The following RSRC1 variants were observed in gnomAD, a reference collection of about 807,000 sequenced individuals.
The protein encoded by RSRC1 is arginine and serine rich coiled-coil 1, also known as serine/Arginine-related protein 53.
Under a neutral mutation model 49.1 loss-of-function variants are expected in RSRC1, and 39 were observed. The observed-to-expected ratio is 0.79, with a 90% CI of 0.61 to 1.04. RSRC1 has a LOEUF of 1.04. Ranked by LOEUF, RSRC1 falls within the 50% of genes least tolerant of loss-of-function variation. The probability of loss-of-function intolerance (pLI) is 0.00; values close to 1 mark genes in which losing one functional copy is unlikely to be tolerated. For missense variants in RSRC1, 388 were observed against 402.4 expected, an observed-to-expected ratio of 0.96 and a Z score of 0.31; for synonymous variants, 143 against 130.8, an observed-to-expected ratio of 1.09 and a Z score of -0.63.
intron 7 of RSRC1, among the ~76,000 whole-genome samples, chr3:158,514,402 T>C (rs1419941970): frequency 6.6e-6 from 1 of 152,254 alleles, no homozygotes; most frequent in Non-Finnish European, 1.5e-5. Context: ...AGCAGTTTGT[T>C]CAGTTTCCAT....
At chr3:158,281,441 T>C (rs1163838344) in intron 4 of RSRC1, among the ~76,000 whole-genome samples, 1 of 152,040 alleles carries the variant, frequency 6.6e-6, no homozygotes, top group Non-Finnish European at 1.5e-5. Context: ...AGGTTGCTAT[T>C]AATGCTGTGT....
intron 5 of RSRC1, among the ~76,000 whole-genome samples, chr3:158,341,826 T>C (rs1019146895): frequency 2.0e-5 from 3 of 152,064 alleles, no homozygotes; most frequent in Admixed American, 6.6e-5. Flanking sequence ...GGAGGGAGGC[T>C]GTACCAGGCA....
intron 7 of RSRC1, among the ~76,000 whole-genome samples, chr3:158,517,082 A>G (rs1409447591): frequency 1.6e-4 from 24 of 152,250 alleles, no homozygotes; most frequent in Admixed American, 1.6e-3. Context: ...TGGGAGCCAT[A>G]GACCAGAGCT....
At chr3:158,250,338 G>A (rs1724138165) in intron 4 of RSRC1, among the ~76,000 whole-genome samples, 1 of 152,052 alleles carries the variant, frequency 6.6e-6, no homozygotes, top group Non-Finnish European at 1.5e-5. Context: ...CCTAGCAGTG[G>A]GATTACTGGA....
chr3:158,162,968 A>G (rs1718323283), intron 3 of RSRC1, among the ~76,000 whole-genome samples: 1 of 152,108 alleles, frequency 6.6e-6, no homozygotes, highest in Non-Finnish European at 1.5e-5. Context: ...TTATTTTGTT[A>G]TCACTTGCTC....
intron 7 of RSRC1, among the ~76,000 whole-genome samples, chr3:158,533,688 A>G (rs1219489044): frequency 1.3e-5 from 2 of 151,694 alleles, no homozygotes; most frequent in African/African-American, 4.8e-5. Flanking sequence ...GAAGTCAGAA[A>G]TAATGTCTTT....
At chr3:158,236,213 A>G (rs1723242433) in intron 4 of RSRC1, among the ~76,000 whole-genome samples, 1 of 152,104 alleles carries the variant, frequency 6.6e-6, no homozygotes. Context: ...TTGTTAATAT[A>G]ATTAATTGTA....
At chr3:158,342,578 C>G (rs1730314874) in intron 5 of RSRC1, among the ~76,000 whole-genome samples, 1 of 152,174 alleles carries the variant, frequency 6.6e-6, no homozygotes, top group African/African-American at 2.4e-5. Flanking sequence ...TTGTCCTTAT[C>G]AGCTGCATGA....
intron 4 of RSRC1, among the ~76,000 whole-genome samples, chr3:158,211,231 G>A (rs542208476): frequency 1.2e-4 from 18 of 151,966 alleles, no homozygotes; most frequent in Admixed American, 7.9e-4. Context: ...TCTTTGGACC[G>A]GTATGGAATG....
At chr3:158,115,908 C>T (rs1714774593) in intron 1 of RSRC1, among the ~76,000 whole-genome samples, 1 of 152,096 alleles carries the variant, frequency 6.6e-6, no homozygotes, top group South Asian at 2.1e-4. Context: ...GTTTTTGAAA[C>T]CATATGGATA....
At chr3:158,266,124 TA>T (rs1725160665) in intron 4 of RSRC1, among the ~76,000 whole-genome samples, 1 of 152,198 alleles carries the variant, frequency 6.6e-6, no homozygotes, top group African/African-American at 2.4e-5. Context: ...AGTTGATTTT[TA>T]AAGGTGGTTT....
chr3:158,415,002 C>T (rs922268406), intron 6 of RSRC1, among the ~76,000 whole-genome samples: 5 of 152,062 alleles, frequency 3.3e-5, no homozygotes, highest in African/African-American at 7.2e-5. Flanking sequence ...TTTAACTCTT[C>T]GAGGACTAGA....
chr3:158,470,979 T>C (rs1738111809), intron 7 of RSRC1, among the ~76,000 whole-genome samples: 1 of 152,192 alleles, frequency 6.6e-6, no homozygotes, highest in Non-Finnish European at 1.5e-5. Context: ...CATCCTAGGC[T>C]GGAAAACCAA....
intron 6 of RSRC1, among the ~76,000 whole-genome samples, chr3:158,391,272 T>C (rs912755885): frequency 1.2e-4 from 18 of 152,202 alleles, no homozygotes; most frequent in African/African-American, 4.8e-5. Flanking sequence ...TTTGGTAGTT[T>C]GGTACTGCAA....
intron 3 of RSRC1, among the ~76,000 whole-genome samples, chr3:158,194,123 A>G (rs1204835821): frequency 6.6e-6 from 1 of 151,380 alleles, no homozygotes; most frequent in African/African-American, 2.4e-5. Context: ...TTAGCTGAGC[A>G]TGGTGGCACA....
intron 4 of RSRC1, among the ~76,000 whole-genome samples, chr3:158,249,554 TACA>T (rs1724090953): frequency 6.6e-6 from 1 of 152,232 alleles, no homozygotes; most frequent in Non-Finnish European, 1.5e-5. Flanking sequence ...TTTTGACTAT[TACA>T]AAACCAGCTG....
intron 6 of RSRC1, among the ~76,000 whole-genome samples, chr3:158,424,201 T>C (rs1167385613): frequency 6.6e-6 from 1 of 152,132 alleles, no homozygotes; most frequent in African/African-American, 2.4e-5. Flanking sequence ...TTCAGTATGA[T>C]ACTGGCTGTG....
At position 158,544,749 on chromosome 3, in the gene RSRC1, G is replaced by A. The variant is rs1171544258; in HGVS notation, c.*474G>A. The A allele has an allele frequency of 6.6e-6, 1 of 152,196 alleles. No individual in the cohort carries two copies. The highest frequency in any genetic ancestry group is 2.1e-4 in the South Asian group (1 of 4,832). The allele number at this position is 152,196 out of a possible 1,614,324, so 9.4% of individuals were successfully genotyped here. On this transcript the variant is annotated 3_prime_UTR_variant, in exon 10 of 10. Transcript: ENST00000611884. ...CACAATAAAAAGCACCCTAAACAAT[G>A]TAAGCAGAATGTGCATGTTAAAGAA... is the stretch of plus-strand genomic sequence containing the variant.
intron 3 of RSRC1, among the ~76,000 whole-genome samples, chr3:158,183,249 T>A (rs937911373): frequency 6.6e-6 from 1 of 152,002 alleles, no homozygotes; most frequent in African/African-American, 2.4e-5. Context: ...ATAAAATGGT[T>A]TTTATTATTT....
Sources: gnomAD v4.1 joint callset for allele counts (sites outside exome capture counted in the v4.1 genomes callset) on GRCh38, gnomAD v4.1.1 for gene constraint, MANE v1.5 for transcripts, NCBI Gene and HGNC (gene_info 2026-07-23, HGNC 2026-07-21) for gene names.